Variants in SRGAP3 observed in about 807,000 individuals in gnomAD.
SRGAP3 encodes the protein SLIT-ROBO Rho GTPase activating protein 3.
In SRGAP3, 39 loss-of-function variants were observed where a neutral mutation model predicts 121.1. The ratio of observed to expected loss-of-function variants is 0.32; its 90% CI spans 0.25 to 0.42. The LOEUF is 0.42. Ranked by LOEUF, SRGAP3 falls within the 10% of genes least tolerant of loss-of-function variation. SRGAP3 has a pLI of 1.00. For missense variants in SRGAP3, 1,213 were observed against 1,470.6 expected (o/e 0.82, Z 2.86); for synonymous variants, 601 against 570.0 (o/e 1.05, Z -0.77).
chr3:9,160,092 C>A (rs1255417395), intron 1 of SRGAP3, among the ~76,000 whole-genome samples: 1 of 152,178 alleles, frequency 6.6e-6, no homozygotes, highest in Non-Finnish European at 1.5e-5. Context: ...CCACTGGCTA[C>A]CTGTGGCCTT....
intron 1 of SRGAP3, among the ~76,000 whole-genome samples, chr3:9,160,793 T>C (rs1243933027): frequency 6.6e-6 from 1 of 152,246 alleles, no homozygotes; most frequent in African/African-American, 2.4e-5. Flanking sequence ...GTGCTTAATA[T>C]TATTTTATAA....
rs201938854 is a variant in SRGAP3, at chr3:9,275,567, T to G, written n.442+50443A>C. Among the ~76,000 whole-genome samples the G allele has an allele frequency of 3.3e-5, 5 of 152,272 alleles. No homozygotes were observed. In the East Asian group the frequency reaches 7.7e-4, roughly 24 times the overall value. ...TGGGAGGGATGTGGTGGGAGATAATTGAATCATGGGGGCAGTTTCCCCCAT... is the reference window on the plus strand; with the variant it reads ...TGGGAGGGATGTGGTGGGAGATAATGGAATCATGGGGGCAGTTTCCCCCAT... On this transcript the variant is annotated intron_variant and non_coding_transcript_variant, in intron 3 of 3. Coordinates refer to the SRGAP3 transcript ENST00000490889.
At chr3:9,003,943 A>T (rs947097801) in intron 18 of SRGAP3, among the ~76,000 whole-genome samples, 1 of 152,224 alleles carries the variant, frequency 6.6e-6, no homozygotes, top group Non-Finnish European at 1.5e-5. Flanking sequence ...ACTGGAAAAG[A>T]AGTAAAAATA....
At position 9,045,550 on chromosome 3, in the gene SRGAP3, GTCA is replaced by G. The variant is rs1945227185; in HGVS notation, c.1408+1838_1408+1840del. Among the ~76,000 whole-genome samples the G allele has an allele frequency of 4.0e-5, 6 of 151,694 alleles. No individual in the cohort carries two copies. In the South Asian group the frequency reaches 1.3e-3, roughly 32 times the overall value. Reference sequence around the variant, plus strand: ...ATGATGATGATGATTGATGATGACCGTCATCATCAATCATCATCATTTGAGTTG... The same window carrying G: ...ATGATGATGATGATTGATGATGACCGTCATCAATCATCATCATTTGAGTTG... On this transcript the variant is annotated intron_variant, in intron 10 of 21. Transcript: ENST00000383836.
chr3:9,013,587 C>T (rs1943479596), intron 16 of SRGAP3, 52 bp from the exon 17 acceptor site: 1 of 1,601,438 alleles, frequency 6.2e-7, no homozygotes, highest in South Asian at 1.1e-5. Flanking sequence ...AGTCCTCCCC[C>T]TGTGTTTTTT....
intron 15 of SRGAP3, chr3:9,014,101 G>A (rs1943512921): frequency 1.9e-6 from 1 of 527,324 alleles, no homozygotes; most frequent in Non-Finnish European, 3.5e-6. Context: ...AACCCACAGG[G>A]AGATGCCCTC....
At chr3:9,357,376 C>T (rs771210349) in intron 1 of SRGAP3, among the ~76,000 whole-genome samples, 98 of 151,886 alleles carry the variant, frequency 6.5e-4, no homozygotes, top group Non-Finnish European at 1.3e-3. Context: ...TTCTCAACAA[C>T]GAAAGACATG....
At chr3:9,361,014 C>T (rs1480624469) in intron 1 of SRGAP3, among the ~76,000 whole-genome samples, 1 of 152,162 alleles carries the variant, frequency 6.6e-6, no homozygotes, top group East Asian at 1.9e-4. Flanking sequence ...TTGCAATTCC[C>T]TAATGACTAA....
intron 19 of SRGAP3, among the ~76,000 whole-genome samples, chr3:8,993,296 T>C (rs533180386): frequency 1.3e-5 from 2 of 152,300 alleles, no homozygotes; most frequent in South Asian, 4.1e-4. Flanking sequence ...CCTCCTTTTT[T>C]CTCTTCTAGC....
At chr3:9,191,881 C>T (rs1951763358) in intron 1 of SRGAP3, among the ~76,000 whole-genome samples, 1 of 152,082 alleles carries the variant, frequency 6.6e-6, no homozygotes, top group African/African-American at 2.4e-5. Context: ...TGTGTAGCAT[C>T]TCCCCCCTCA....
chr3:9,129,468 C>CAA (rs750384100), intron 1 of SRGAP3, among the ~76,000 whole-genome samples: 78 of 68,988 alleles, frequency 1.1e-3, no homozygotes, highest in African/African-American at 3.2e-3. Context: ...GGTAGGTAAG[C>CAA]AAAAAAAAAA....
chr3:9,304,047 C>A (rs182769040), intron 3 of SRGAP3, among the ~76,000 whole-genome samples: 2 of 152,302 alleles, frequency 1.3e-5, no homozygotes, highest in Admixed American at 1.3e-4. Flanking sequence ...AGACGTTTCA[C>A]AAACAATTCT....
chr3:9,340,687 T>C (rs949041773), intron 1 of SRGAP3, among the ~76,000 whole-genome samples: 2 of 152,134 alleles, frequency 1.3e-5, no homozygotes, highest in Non-Finnish European at 2.9e-5. Flanking sequence ...TGGGAAGATC[T>C]AGAAACAATA....
At chr3:9,072,127 G>A (rs533227116) in intron 4 of SRGAP3, among the ~76,000 whole-genome samples, 7 of 152,198 alleles carry the variant, frequency 4.6e-5, no homozygotes, top group East Asian at 1.9e-4. Context: ...GATCCCAACC[G>A]GCCAGGCTCA....
chr3:9,327,839 T>C (rs1955544473), intron 2 of SRGAP3, among the ~76,000 whole-genome samples: 1 of 152,198 alleles, frequency 6.6e-6, no homozygotes, highest in Non-Finnish European at 1.5e-5. Context: ...GTTTAGACTT[T>C]CTGACTTGCC....
intron 1 of SRGAP3, among the ~76,000 whole-genome samples, chr3:9,151,482 G>A (rs1374505749): frequency 6.6e-6 from 1 of 152,202 alleles, no homozygotes; most frequent in Non-Finnish European, 1.5e-5. Flanking sequence ...TGACATCAGG[G>A]ATGCATTTTA....
intron 1 of SRGAP3, among the ~76,000 whole-genome samples, chr3:9,350,562 C>G (rs2030076666): frequency 6.6e-6 from 1 of 152,198 alleles, no homozygotes; most frequent in Non-Finnish European, 1.5e-5. Context: ...AGTGAAAAGT[C>G]TGAGTTGTAA....
chr3:9,203,417 A>G (rs1312934722), intron 1 of SRGAP3, among the ~76,000 whole-genome samples: 1 of 152,242 alleles, frequency 6.6e-6, no homozygotes, highest in African/African-American at 2.4e-5. Context: ...GAGAGTTCAC[A>G]GACATTTACA....
chr3:9,017,006 T>C lies in SRGAP3; in HGVS notation c.1679-1275A>G, dbSNP rs1488182950. Among the ~76,000 whole-genome samples, 9 of 152,350 alleles carry C rather than the reference T, an allele frequency of 5.9e-5. No individual in the cohort carries two copies. In the East Asian group the frequency reaches 1.7e-3, roughly 29 times the overall value. On this transcript the variant is annotated intron_variant, in intron 14 of 21. Transcript: ENST00000383836. ...TTGTGTCCTTTTAATGTGACCTCCA[T>C]TGAGCACTTCCTTGTTTTCTGGACC... is the stretch of plus-strand genomic sequence containing the variant.
Sources: gnomAD v4.1 joint callset for allele counts (sites outside exome capture counted in the v4.1 genomes callset) on GRCh38, gnomAD v4.1.1 for gene constraint, MANE v1.5 for transcripts, NCBI Gene and HGNC (gene_info 2026-07-23, HGNC 2026-07-21) for gene names.